DOCK9: variants seen among roughly 807,000 people sequenced by gnomAD.
The protein encoded by DOCK9 is dedicator of cytokinesis 9.
Under a neutral mutation model 263.3 loss-of-function variants are expected in DOCK9, and 89 were observed. The ratio of observed to expected loss-of-function variants is 0.34; its 90% CI spans 0.28 to 0.40. The LOEUF is 0.40. Among genes scored for constraint, DOCK9 ranks in the 10% least tolerant of loss-of-function variants. The pLI is 1.00. For missense variants in DOCK9, 2,140 were observed against 2,603.4 expected, an observed-to-expected ratio of 0.82 and a Z score of 3.87; for synonymous variants, 976 against 973.1, an observed-to-expected ratio of 1.00 and a Z score of -0.06.
intron 21 of DOCK9, among the ~76,000 whole-genome samples, chr13:98,884,187 A>C (rs549021023): frequency 5.5e-4 from 84 of 152,366 alleles, no homozygotes; most frequent in Middle Eastern, 3.4e-3. Flanking sequence ...CTATTACACC[A>C]GCATCTGAAC....
At chr13:98,885,654 A>ATTAATTGT in intron 20 of DOCK9, 54 bp downstream of exon 20, 1 of 1,536,154 alleles carries the variant, frequency 6.5e-7, no homozygotes, top group Non-Finnish European at 8.7e-7. Flanking sequence ...AATACAATTT[A>ATTAATTGT]AGAACCTAAT....
At chr13:99,035,250 C>T (rs769139531) in intron 1 of DOCK9, among the ~76,000 whole-genome samples, 8 of 152,200 alleles carry the variant, frequency 5.3e-5, no homozygotes, top group Non-Finnish European at 7.3e-5. Flanking sequence ...ACATTCTGAA[C>T]TCCAATCAAA....
chr13:98,885,124 G>A, intron 20 of DOCK9, 32 bp from the exon 21 acceptor site: 1 of 1,609,578 alleles, frequency 6.2e-7, no homozygotes, highest in African/African-American at 1.3e-5. Flanking sequence ...AACAACAACA[G>A]AACACTGTGA....
chr13:98,849,931 A>C, intron 36 of DOCK9, 116 bp downstream of exon 36: 1 of 726,868 alleles, frequency 1.4e-6, no homozygotes, highest in Non-Finnish European at 2.3e-6. Context: ...GGGCTTAAGG[A>C]GTAAGTGAGG....
At chr13:99,048,742 T>C (rs151098353) in intron 1 of DOCK9, among the ~76,000 whole-genome samples, 173 of 152,372 alleles carry the variant, frequency 1.1e-3, no homozygotes, top group African/African-American at 4.1e-3. Flanking sequence ...TCTCATTCTC[T>C]ACAGTTCTCT....
intron 1 of DOCK9, among the ~76,000 whole-genome samples, chr13:98,985,845 G>A (rs1218906201): frequency 1.3e-5 from 2 of 152,154 alleles, no homozygotes; most frequent in African/African-American, 2.4e-5. Flanking sequence ...CCCACCCCAC[G>A]CCCGGCACAG....
At chr13:98,952,204 A>G (rs1193718811) in intron 2 of DOCK9, among the ~76,000 whole-genome samples, 2 of 147,640 alleles carry the variant, frequency 1.4e-5, no homozygotes, top group African/African-American at 5.0e-5. Flanking sequence ...AGCCTACTTC[A>G]TCAATAACCT....
intron 1 of DOCK9, among the ~76,000 whole-genome samples, chr13:99,006,566 C>T (rs369476482): frequency 7.2e-5 from 11 of 152,268 alleles, no homozygotes; most frequent in African/African-American, 2.6e-4. Flanking sequence ...TAATAAAATA[C>T]AGTAAGTGAA....
chr13:98,814,179 A>C (rs1333415846), intron 45 of DOCK9, among the ~76,000 whole-genome samples: 1 of 152,190 alleles, frequency 6.6e-6, no homozygotes, highest in Non-Finnish European at 1.5e-5. Context: ...CCTACATCAT[A>C]TTTATAGCAC....
At chr13:98,993,440 G>A (rs1365023060) in intron 1 of DOCK9, among the ~76,000 whole-genome samples, 1 of 152,244 alleles carries the variant, frequency 6.6e-6, no homozygotes, top group East Asian at 1.9e-4. Flanking sequence ...CTAGGAAGAT[G>A]TGTATAATTT....
intron 1 of DOCK9, among the ~76,000 whole-genome samples, chr13:98,995,005 T>C (rs1296521679): frequency 1.3e-5 from 2 of 152,090 alleles, no homozygotes; most frequent in South Asian, 2.1e-4. Context: ...AAACAGGAAA[T>C]TGCATAAACA....
chr13:99,042,889 T>C (rs1390127557), intron 1 of DOCK9, among the ~76,000 whole-genome samples: 1 of 152,088 alleles, frequency 6.6e-6, no homozygotes, highest in African/African-American at 2.4e-5. Flanking sequence ...GCAGATCTTT[T>C]GCCATGTAGC....
At chr13:99,063,255 G>A (rs954257218) in intron 1 of DOCK9, among the ~76,000 whole-genome samples, 85 of 152,324 alleles carry the variant, frequency 5.6e-4, no homozygotes, top group Non-Finnish European at 7.4e-5. Flanking sequence ...GAAAGATGTC[G>A]TGCTCTATTC....
chr13:99,040,241 G>T (rs1178216924), intron 1 of DOCK9, among the ~76,000 whole-genome samples: 2 of 152,112 alleles, frequency 1.3e-5, no homozygotes, highest in East Asian at 3.9e-4. Flanking sequence ...CAGATCTGCA[G>T]GTACTTTGAT....
chr13:98,889,834 C>T (rs2046354291), intron 15 of DOCK9, among the ~76,000 whole-genome samples: 1 of 152,172 alleles, frequency 6.6e-6, no homozygotes, highest in Admixed American at 6.5e-5. Context: ...ATACATCTGG[C>T]CAGTGTGGGT....
Position 98,999,157 on chromosome 13 carries a change from C to T in DOCK9, c.130-43606G>A, listed in dbSNP as rs192039775. Among the ~76,000 whole-genome samples, 229 of 152,286 alleles carry T rather than the reference C, an allele frequency of 1.5e-3. 4 individuals are homozygous for T. The highest frequency in any genetic ancestry group is 0.014 in the Admixed American group (207 of 15,286). ...TGTGGGGAATAAAAGCCCAGTGTGG[C>T]GATTCCCTGAGTTCCTTGAATAGTC... is the stretch of plus-strand genomic sequence containing the variant. On this transcript the variant is annotated intron_variant, in intron 1 of 32. Coordinates refer to the DOCK9 transcript ENST00000427887.
At chr13:99,017,582 T>C (rs1022211873) in intron 1 of DOCK9, among the ~76,000 whole-genome samples, 4 of 152,194 alleles carry the variant, frequency 2.6e-5, no homozygotes, top group African/African-American at 4.8e-5. Flanking sequence ...GCTGCTGGTA[T>C]ATGCTGTTTG....
At chr13:98,841,615 A>G (rs1229809729) in intron 38 of DOCK9, among the ~76,000 whole-genome samples, 1 of 151,052 alleles carries the variant, frequency 6.6e-6, no homozygotes, top group Non-Finnish European at 1.5e-5. Context: ...TTATGAACAA[A>G]ATTTTTTTTT....
intron 1 of DOCK9, among the ~76,000 whole-genome samples, chr13:99,074,539 C>T (rs1027734058): frequency 6.6e-6 from 1 of 152,218 alleles, no homozygotes; most frequent in Non-Finnish European, 1.5e-5. Flanking sequence ...CGCCCCACTC[C>T]GTGCCCAGCG....
Sources: allele counts gnomAD v4.1 joint callset (sites outside exome capture counted in the v4.1 genomes callset), GRCh38; gene constraint gnomAD v4.1.1; transcripts MANE v1.5; gene names NCBI Gene and HGNC (gene_info 2026-07-23, HGNC 2026-07-21).